Variants in SCFD2 observed in about 807,000 individuals in gnomAD.
SCFD2 encodes the protein sec1 family domain containing 2.
Under a neutral mutation model 58.9 loss-of-function variants are expected in SCFD2, and 54 were observed. The ratio of observed to expected loss-of-function variants is 0.92; its 90% CI spans 0.74 to 1.15. SCFD2 has a LOEUF of 1.15. Among genes scored for constraint, SCFD2 ranks in the 50% most tolerant of loss-of-function variants. The pLI is 0.00. For missense variants in SCFD2, 805 were observed against 836.6 expected (o/e 0.96, Z 0.47); for synonymous variants, 321 against 335.9 (o/e 0.96, Z 0.49).
At chr4:53,286,458 C>T (rs1731671881) in intron 3 of SCFD2, among the ~76,000 whole-genome samples, 1 of 152,162 alleles carries the variant, frequency 6.6e-6, no homozygotes, top group Non-Finnish European at 1.5e-5. Flanking sequence ...ATCCCAGCCT[C>T]TGGGACCTAG....
At chr4:53,305,363 G>A (rs774780244) in intron 3 of SCFD2, among the ~76,000 whole-genome samples, 7 of 151,936 alleles carry the variant, frequency 4.6e-5, no homozygotes, top group Non-Finnish European at 1.5e-5. Context: ...CTTTGTATGT[G>A]GACATCCAAT....
chr4:53,133,200 T>C (rs1344696271), intron 5 of SCFD2, among the ~76,000 whole-genome samples: 5 of 151,638 alleles, frequency 3.3e-5, no homozygotes, highest in Non-Finnish European at 2.9e-5. Context: ...TGGTGGCGGG[T>C]GCCTGTAGTC....
At chr4:53,214,359 A>C (rs995714301) in intron 4 of SCFD2, among the ~76,000 whole-genome samples, 14 of 152,120 alleles carry the variant, frequency 9.2e-5, no homozygotes, top group African/African-American at 2.7e-4. Context: ...AACTGGTGTG[A>C]GATGGTATCT....
intron 5 of SCFD2, among the ~76,000 whole-genome samples, chr4:52,974,780 C>G (rs996601075): frequency 2.0e-5 from 3 of 151,054 alleles, no homozygotes; most frequent in Admixed American, 2.0e-4. Flanking sequence ...TACTACAAGG[C>G]TACAGTAACC....
intron 5 of SCFD2, among the ~76,000 whole-genome samples, chr4:52,921,411 T>C (rs1326675054): frequency 3.9e-5 from 6 of 152,228 alleles, no homozygotes. Context: ...GACGGTTTTC[T>C]GCAACCTTCT....
chr4:53,249,189 T>A (rs1730248167), intron 4 of SCFD2, among the ~76,000 whole-genome samples: 1 of 152,018 alleles, frequency 6.6e-6, no homozygotes, highest in South Asian at 2.1e-4. Flanking sequence ...TGAGATAAAC[T>A]GGAAGAAAGG....
chr4:52,941,266 C>T (rs944419101), intron 5 of SCFD2, among the ~76,000 whole-genome samples: 28 of 152,160 alleles, frequency 1.8e-4, no homozygotes, highest in African/African-American at 6.0e-4. Context: ...TGTTTCATGG[C>T]TCTTATATTC....
intron 2 of SCFD2, among the ~76,000 whole-genome samples, chr4:53,345,141 C>G (rs1338191387): frequency 5.9e-5 from 9 of 152,170 alleles, no homozygotes. Context: ...GCAAAAGAAA[C>G]TACCACAAGA....
intron 3 of SCFD2, among the ~76,000 whole-genome samples, chr4:53,301,891 A>T (rs1732315940): frequency 6.6e-6 from 1 of 152,218 alleles, no homozygotes. Context: ...GCCTTTGACA[A>T]AATTCAACAA....
At chr4:52,910,007 A>C (rs941606698) in intron 6 of SCFD2, among the ~76,000 whole-genome samples, 2 of 152,220 alleles carry the variant, frequency 1.3e-5, no homozygotes, top group African/African-American at 4.8e-5. Flanking sequence ...CCTCCACAAG[A>C]AGTCCTTTGG....
intron 5 of SCFD2, among the ~76,000 whole-genome samples, chr4:53,063,921 C>T (rs988258385): frequency 2.6e-5 from 4 of 151,966 alleles, no homozygotes; most frequent in South Asian, 2.1e-4. Context: ...CTGTCTAGCC[C>T]GGATTTACTA....
chr4:53,288,998 T>A (rs777610137), intron 3 of SCFD2, among the ~76,000 whole-genome samples: 23 of 152,304 alleles, frequency 1.5e-4, no homozygotes, highest in Admixed American at 2.6e-4. Flanking sequence ...ATCAAAAATA[T>A]AAATTGTGGG....
At chr4:53,132,802 C>A (rs1297004031) in intron 5 of SCFD2, among the ~76,000 whole-genome samples, 1 of 152,164 alleles carries the variant, frequency 6.6e-6, no homozygotes, top group East Asian at 1.9e-4. Context: ...CACCACCAAG[C>A]CAGCAGGTAT....
chr4:52,991,220 C>T (rs1010389282), intron 5 of SCFD2, among the ~76,000 whole-genome samples: 8 of 152,134 alleles, frequency 5.3e-5, no homozygotes, highest in Admixed American at 5.2e-4. Flanking sequence ...TTGACATGCA[C>T]TAAATATGAT....
intron 2 of SCFD2, among the ~76,000 whole-genome samples, chr4:53,332,373 G>A (rs1273826668): frequency 6.6e-6 from 1 of 151,550 alleles, no homozygotes; most frequent in Non-Finnish European, 1.5e-5. Flanking sequence ...AACGAATCCA[G>A]CAGCACATCA....
intron 5 of SCFD2, among the ~76,000 whole-genome samples, chr4:53,000,031 T>G (rs531271800): frequency 3.1e-4 from 47 of 152,284 alleles, no homozygotes; most frequent in Non-Finnish European, 6.0e-4. Context: ...TTTCTTAATC[T>G]TTGCACTCCT....
intron 3 of SCFD2, among the ~76,000 whole-genome samples, chr4:53,297,588 TG>T (rs2149093388): frequency 6.6e-6 from 1 of 152,284 alleles, no homozygotes; most frequent in South Asian, 2.1e-4. Flanking sequence ...GGCACAACAA[TG>T]GCTCTTGACT....
intron 2 of SCFD2, among the ~76,000 whole-genome samples, chr4:53,321,533 T>C (rs915571706): frequency 2.6e-5 from 4 of 152,110 alleles, no homozygotes; most frequent in African/African-American, 9.7e-5. Context: ...TATGCAATAA[T>C]AGTCACAGTA....
At chr4:52,916,522 C>T (rs556808956) in intron 6 of SCFD2, among the ~76,000 whole-genome samples, 77 of 152,250 alleles carry the variant, frequency 5.1e-4, no homozygotes, top group African/African-American at 1.6e-3. Flanking sequence ...TGCAGTGAGC[C>T]GAGATTGCGC....
Sources: gnomAD v4.1 joint callset for allele counts (sites outside exome capture counted in the v4.1 genomes callset) on GRCh38, gnomAD v4.1.1 for gene constraint, MANE v1.5 for transcripts, NCBI Gene and HGNC (gene_info 2026-07-23, HGNC 2026-07-21) for gene names.